TAFA1: variants seen among roughly 807,000 people sequenced by gnomAD.
The protein encoded by TAFA1 is chemokine-like protein TAFA-1.
TAFA1 carries 4 observed loss-of-function variants against 18.5 expected under a neutral mutation model. The observed-to-expected ratio is 0.22, with a 90% CI of 0.11 to 0.49. The LOEUF (loss-of-function observed/expected upper bound fraction) is 0.49, where lower values mean the gene tolerates loss of function less well. Ranked by LOEUF, TAFA1 falls within the 20% of genes least tolerant of loss-of-function variation. TAFA1 has a pLI of 0.98. For synonymous variants in TAFA1, 56 were observed against 55.2 expected, an observed-to-expected ratio of 1.01 and a Z score of -0.06; for missense variants, 147 against 169.0, an observed-to-expected ratio of 0.87 and a Z score of 0.72.
intron 2 of TAFA1, among the ~76,000 whole-genome samples, chr3:68,293,354 G>A (rs2068147909): frequency 6.6e-6 from 1 of 152,000 alleles, no homozygotes; most frequent in African/African-American, 2.4e-5. Context: ...TAATAAAACT[G>A]CACATTCTGG....
intron 2 of TAFA1, among the ~76,000 whole-genome samples, chr3:68,323,012 GA>G (rs76980707): frequency 0.024 from 3,657 of 152,240 alleles, 69 homozygotes; most frequent in East Asian, 0.098. Flanking sequence ...CTACCCCCAG[GA>G]AAATCAGGAC....
intron 2 of TAFA1, among the ~76,000 whole-genome samples, chr3:68,107,410 T>A (rs2065216013): frequency 6.6e-6 from 1 of 152,148 alleles, no homozygotes; most frequent in South Asian, 2.1e-4. Context: ...GGTGAATGGA[T>A]AAACAAATTT....
intron 2 of TAFA1, among the ~76,000 whole-genome samples, chr3:68,074,650 T>C (rs1030531137): frequency 3.3e-5 from 5 of 152,222 alleles, no homozygotes; most frequent in African/African-American, 9.6e-5. Context: ...ACCTCCATTT[T>C]ACATATTAGG....
intron 2 of TAFA1, among the ~76,000 whole-genome samples, chr3:68,253,335 G>A (rs150791081): frequency 1.6e-4 from 25 of 152,208 alleles, no homozygotes; most frequent in African/African-American, 4.6e-4. Context: ...TTGCCCTTGC[G>A]TACTTTAATC....
chr3:68,448,922 A>C (rs1017649024), intron 3 of TAFA1, among the ~76,000 whole-genome samples: 2 of 152,190 alleles, frequency 1.3e-5, no homozygotes, highest in African/African-American at 4.8e-5. Context: ...AGATCTTAAT[A>C]ACTGTTAGAG....
intron 2 of TAFA1, among the ~76,000 whole-genome samples, chr3:68,169,333 G>T (rs558997510): frequency 3.8e-4 from 58 of 152,342 alleles, no homozygotes; most frequent in Non-Finnish European, 5.4e-4. Flanking sequence ...TTGAATAAAA[G>T]CTAGTGCCGA....
chr3:68,423,131 A>G (rs930909799), intron 3 of TAFA1, among the ~76,000 whole-genome samples: 2 of 152,086 alleles, frequency 1.3e-5, no homozygotes, highest in Non-Finnish European at 2.9e-5. Flanking sequence ...ATGGCATGAA[A>G]ATAGTATCGA....
intron 2 of TAFA1, among the ~76,000 whole-genome samples, chr3:68,166,821 G>GA (rs2065986908): frequency 6.6e-6 from 1 of 152,098 alleles, no homozygotes; most frequent in South Asian, 2.1e-4. Flanking sequence ...GCCCATTTGT[G>GA]AGTCCTGAAA....
intron 3 of TAFA1, among the ~76,000 whole-genome samples, chr3:68,458,491 G>A (rs1262842021): frequency 2.0e-5 from 3 of 152,138 alleles, no homozygotes; most frequent in Non-Finnish European, 2.9e-5. Context: ...CCATATACCT[G>A]TTCATTGTTT....
rs557938813 is a variant in TAFA1, at chr3:68,194,777, T to C, written c.118+188033T>C. Among the ~76,000 whole-genome samples, 4 of 151,862 alleles carry C rather than the reference T, an allele frequency of 2.6e-5. No individual in the cohort carries two copies. The East Asian group carries it at 7.8e-4, about 30-fold the overall frequency. On this transcript the variant is annotated intron_variant, in intron 2 of 4. Coordinates refer to ENST00000478136, the MANE Select transcript of TAFA1 (RefSeq NM_213609.4). ...TTCAAAGTATGAAGTCTTAGTTTCCTTATCTTTAAAATGGCAGTGACATCA... is the reference window on the plus strand; with the variant it reads ...TTCAAAGTATGAAGTCTTAGTTTCCCTATCTTTAAAATGGCAGTGACATCA...
chr3:68,505,146 G>A (rs554494430), intron 3 of TAFA1, among the ~76,000 whole-genome samples: 73 of 152,078 alleles, frequency 4.8e-4, no homozygotes, highest in Non-Finnish European at 9.1e-4. Context: ...ACAAGGTTTC[G>A]GAGGATAATC....
At chr3:68,272,571 T>C (rs2067696432) in intron 2 of TAFA1, among the ~76,000 whole-genome samples, 1 of 152,184 alleles carries the variant, frequency 6.6e-6, no homozygotes, top group Non-Finnish European at 1.5e-5. Flanking sequence ...TATTCTGTTT[T>C]TAAGAAACTG....
chr3:68,541,602 G>A (rs1340585247), intron 4 of TAFA1, among the ~76,000 whole-genome samples: 1 of 151,486 alleles, frequency 6.6e-6, no homozygotes, highest in African/African-American at 2.4e-5. Context: ...AAAAAACAAA[G>A]AAATTTACCT....
intron 2 of TAFA1, among the ~76,000 whole-genome samples, chr3:68,394,653 A>T (rs576134715): frequency 6.6e-6 from 1 of 152,300 alleles, no homozygotes; most frequent in East Asian, 1.9e-4. Flanking sequence ...AACACTATGC[A>T]TCTACAAGTA....
chr3:68,475,789 G>A (rs1333362238), intron 3 of TAFA1, among the ~76,000 whole-genome samples: 1 of 151,572 alleles, frequency 6.6e-6, no homozygotes. Context: ...GTGTAAAAGT[G>A]TTCCTATTTC....
At chr3:68,151,259 C>T (rs1315518033) in intron 2 of TAFA1, among the ~76,000 whole-genome samples, 2 of 152,064 alleles carry the variant, frequency 1.3e-5, no homozygotes, top group African/African-American at 4.8e-5. Flanking sequence ...TGTATTTAAG[C>T]TATTGTTATT....
chr3:68,509,885 T>C (rs1016810511), intron 3 of TAFA1, among the ~76,000 whole-genome samples: 1 of 152,122 alleles, frequency 6.6e-6, no homozygotes, highest in African/African-American at 2.4e-5. Context: ...GGGAACTGGA[T>C]CCATTTTGCT....
Position 68,316,684 on chromosome 3 carries a change from A to G in TAFA1, c.119-100596A>G, listed in dbSNP as rs538109251. 2.6e-5 allele frequency among the ~76,000 whole-genome samples: 4 copies of G among 152,306 alleles called. No individual in the cohort carries two copies. The East Asian group carries it at 7.7e-4, about 29-fold the overall frequency. On this transcript the variant is annotated intron_variant, in intron 2 of 4. Transcript: ENST00000478136. ...CAAATATTTATTGACCACTTTGTACATGCCTGATGCTATACTAGGTACCAG... is the reference window on the plus strand; with the variant it reads ...CAAATATTTATTGACCACTTTGTACGTGCCTGATGCTATACTAGGTACCAG...
At chr3:68,330,223 T>C (rs897898615) in intron 2 of TAFA1, among the ~76,000 whole-genome samples, 1 of 152,214 alleles carries the variant, frequency 6.6e-6, no homozygotes, top group African/African-American at 2.4e-5. Context: ...CTTCCAGGCT[T>C]CTTCTAAGAA....
Sources: gnomAD v4.1 joint callset for allele counts (sites outside exome capture counted in the v4.1 genomes callset) on GRCh38, gnomAD v4.1.1 for gene constraint, MANE v1.5 for transcripts, NCBI Gene and HGNC (gene_info 2026-07-23, HGNC 2026-07-21) for gene names.